Variants in RELN observed in about 807,000 individuals in gnomAD.
RELN encodes the protein reelin.
Under a neutral mutation model 427.6 loss-of-function variants are expected in RELN, and 108 were observed. That is an observed-to-expected ratio of 0.25 (90% CI 0.22 to 0.30). The LOEUF (loss-of-function observed/expected upper bound fraction) is 0.30. RELN is among the 10% of genes least tolerant of loss of function. The pLI, the probability that RELN is intolerant of heterozygous loss-of-function variation, is 1.00. For missense variants in RELN, 3,715 were observed against 4,302.8 expected (o/e 0.86, Z 3.82); for synonymous variants, 1,524 against 1,513.4 (o/e 1.01, Z -0.16).
intron 2 of RELN, among the ~76,000 whole-genome samples, chr7:103,890,243 G>A (rs1239189614): frequency 1.3e-5 from 2 of 151,042 alleles, no homozygotes; most frequent in Non-Finnish European, 2.9e-5. Context: ...TAAGCAAGAC[G>A]GTCAATTCTT....
chr7:103,704,715 A>G (rs959290057), intron 8 of RELN, among the ~76,000 whole-genome samples: 1 of 150,960 alleles, frequency 6.6e-6, no homozygotes, highest in Non-Finnish European at 1.5e-5. Flanking sequence ...TCACACCCCC[A>G]CCTTCTGCTC....
intron 22 of RELN, among the ~76,000 whole-genome samples, chr7:103,610,247 G>A (rs1287323313): frequency 6.6e-6 from 1 of 152,022 alleles, no homozygotes; most frequent in Non-Finnish European, 1.5e-5. Flanking sequence ...AATTTTTAGT[G>A]TTACTGAAAA....
At chr7:103,668,153 C>T (rs763865227) in intron 11 of RELN, among the ~76,000 whole-genome samples, 3 of 152,140 alleles carry the variant, frequency 2.0e-5, no homozygotes, top group Non-Finnish European at 4.4e-5. Context: ...TAGCTTGAAC[C>T]TGAGAGGGGG....
chr7:103,716,555 G>C (rs1271178609), intron 8 of RELN, among the ~76,000 whole-genome samples: 2 of 152,172 alleles, frequency 1.3e-5, no homozygotes, highest in African/African-American at 2.4e-5. Context: ...ATTTCATTTA[G>C]CATACTCCCT....
At chr7:103,911,359 T>C (rs1312896355) in intron 2 of RELN, among the ~76,000 whole-genome samples, 2 of 148,672 alleles carry the variant, frequency 1.3e-5, no homozygotes, top group African/African-American at 5.0e-5. Flanking sequence ...AAACAACAGG[T>C]GCTGGAGAGG....
At chr7:103,703,157 G>C (rs1834128678) in intron 8 of RELN, among the ~76,000 whole-genome samples, 1 of 152,126 alleles carries the variant, frequency 6.6e-6, no homozygotes, top group Non-Finnish European at 1.5e-5. Flanking sequence ...GAAGGTACCA[G>C]CTGGAAGGAG....
chr7:103,690,949 AAAAG>A (rs1397435794), intron 10 of RELN, among the ~76,000 whole-genome samples: 3 of 152,156 alleles, frequency 2.0e-5, no homozygotes, highest in Non-Finnish European at 4.4e-5. Flanking sequence ...CGGACTTGGA[AAAAG>A]AAAGGAGGAG....
At chr7:103,858,048 A>C (rs1877109) in intron 2 of RELN, among the ~76,000 whole-genome samples, 22,125 of 152,034 alleles carry the variant, frequency 0.15, 1,923 homozygotes, top group East Asian at 0.39. Context: ...TGTCACCAGA[A>C]GTTAACTATG....
chr7:103,505,458 G>C (rs886664278), intron 51 of RELN, among the ~76,000 whole-genome samples: 7 of 152,166 alleles, frequency 4.6e-5, no homozygotes, highest in Admixed American at 2.6e-4. Flanking sequence ...CAAACTGCAG[G>C]AGACCTGCAG....
chr7:103,981,258 T>G (rs549499704), intron 1 of RELN, among the ~76,000 whole-genome samples: 116 of 152,194 alleles, frequency 7.6e-4, no homozygotes, highest in Non-Finnish European at 1.4e-3. Flanking sequence ...TTTAGAGAGA[T>G]AGTGTCAGGA....
In RELN at chr7:103,603,065, A is replaced by G. The variant is rs1358364892; in HGVS notation, c.3333+239T>C. Among the ~76,000 whole-genome samples the G allele has an allele frequency of 4.6e-5, 7 of 152,196 alleles. No individual in the cohort carries two copies. The highest frequency in any genetic ancestry group is 1.7e-4 in the African/African-American group (7 of 41,446). Reference sequence around the variant, plus strand: ...GAAAGTAATGGTATTTAAATCAGGTACAGGAGGGTAGAAGTTTTAAACTGG... The same window carrying G: ...GAAAGTAATGGTATTTAAATCAGGTGCAGGAGGGTAGAAGTTTTAAACTGG... On this transcript the variant is annotated intron_variant, in intron 24 of 64. Transcript: ENST00000428762. This position sits in a 1 kb window ranked among gnomAD's most constrained non-coding sequence, Gnocchi z 4.3.
At chr7:103,846,049 T>G (rs1024492143) in intron 2 of RELN, among the ~76,000 whole-genome samples, 2 of 152,200 alleles carry the variant, frequency 1.3e-5, no homozygotes, top group African/African-American at 4.8e-5. Flanking sequence ...GAGCTGCCAT[T>G]GACTTTCTCC....
At chr7:103,513,483 A>G (rs1234361147) in intron 50 of RELN, 3 of 152,218 alleles carry the variant, frequency 2.0e-5, no homozygotes, top group Non-Finnish European at 2.9e-5. Flanking sequence ...TGAGTAATGA[A>G]GCAAAGTTCT....
intron 1 of RELN, among the ~76,000 whole-genome samples, chr7:103,929,789 G>C (rs1795821054): frequency 6.6e-6 from 1 of 152,204 alleles, no homozygotes; most frequent in Admixed American, 6.5e-5. Context: ...TACAATAGGA[G>C]AGCTGAGACA....
At chr7:103,899,881 C>T (rs1795044834) in intron 2 of RELN, among the ~76,000 whole-genome samples, 1 of 152,092 alleles carries the variant, frequency 6.6e-6, no homozygotes, top group Non-Finnish European at 1.5e-5. Flanking sequence ...CCTTTGAAAA[C>T]CAGCACAAGG....
At chr7:103,534,852 T>A (rs1054172348) in intron 46 of RELN, among the ~76,000 whole-genome samples, 2 of 152,212 alleles carry the variant, frequency 1.3e-5, no homozygotes, top group African/African-American at 4.8e-5. Context: ...CATAATAAAA[T>A]TTTAAAAGCA....
chr7:103,702,469 A>G (rs922313913), intron 8 of RELN, among the ~76,000 whole-genome samples: 16 of 152,242 alleles, frequency 1.1e-4, no homozygotes, highest in Non-Finnish European at 1.9e-4. Flanking sequence ...ACAGAATGCA[A>G]TTTCTTGTGA....
intron 4 of RELN, among the ~76,000 whole-genome samples, chr7:103,758,244 G>A (rs765953376): frequency 2.0e-5 from 3 of 152,118 alleles, no homozygotes; most frequent in African/African-American, 7.2e-5. Flanking sequence ...CAAGTAACTG[G>A]ACTGAATTGG....
chr7:103,708,510 T>C (rs1215269344), intron 8 of RELN, among the ~76,000 whole-genome samples: 2 of 145,058 alleles, frequency 1.4e-5, no homozygotes, highest in Non-Finnish European at 1.5e-5. Context: ...GTCTCCCAGG[T>C]TGGACTGCAG....
Sources: allele counts gnomAD v4.1 joint callset (sites outside exome capture counted in the v4.1 genomes callset), GRCh38; gene constraint gnomAD v4.1.1; non-coding constraint Gnocchi (gnomAD v3.1); transcripts MANE v1.5; gene names NCBI Gene and HGNC (gene_info 2026-07-23, HGNC 2026-07-21).